UPP2: variants seen among roughly 807,000 people sequenced by gnomAD.
UPP2 encodes the protein uridine phosphorylase 2.
Under a neutral mutation model 26.7 loss-of-function variants are expected in UPP2, and 23 were observed. That is an observed-to-expected ratio of 0.86 (90% confidence interval 0.62 to 1.22). The LOEUF (loss-of-function observed/expected upper bound fraction) is 1.22, where lower values mean the gene tolerates loss of function less well. Ranked by LOEUF, UPP2 falls within the 50% of genes most tolerant of loss-of-function variation. The probability of loss-of-function intolerance (pLI) is 0.00; values close to 1 mark genes in which losing one functional copy is unlikely to be tolerated. For synonymous variants in UPP2, 127 were observed against 141.3 expected, an observed-to-expected ratio of 0.90 and a Z score of 0.72; for missense variants, 387 against 396.7, an observed-to-expected ratio of 0.98 and a Z score of 0.21.
upstream of UPP2, among the ~76,000 whole-genome samples, chr2:158,097,728 C>A (rs1429640353): frequency 6.6e-6 from 1 of 152,186 alleles, no homozygotes; most frequent in Non-Finnish European, 1.5e-5. Context: ...CACCCCTCTG[C>A]CTGGCCCTGC....
chr2:158,115,106 C>A lies in UPP2; in HGVS notation c.186C>A (p.Val62=). Residue 62 remains valine, a synonymous_variant, in exon 3 of 7, where the codon GTC becomes GTA. Coordinates refer to ENST00000005756, the MANE Select transcript of UPP2 (RefSeq NM_173355.4). Reference sequence around the variant, plus strand: ...TTGTTTATTTTTATTAACAGTTTGTCTGTGTCGGTGGGAGCCCCAACAGAA... The same window carrying A: ...TTGTTTATTTTTATTAACAGTTTGTATGTGTCGGTGGGAGCCCCAACAGAA... ...LPAMFGDVKF[V]CVGGSPNRMK... is the part of the protein sequence containing the mutation. 2.5e-6 allele frequency: 4 copies of A among 1,601,032 alleles called. No individual in the cohort carries two copies. Among genetic ancestry groups the A allele is most frequent in the Non-Finnish European group, 3.4e-6 (4 of 1,175,836 alleles).
intron 3 of UPP2, among the ~76,000 whole-genome samples, chr2:158,044,535 G>A (rs560648333): frequency 4.6e-5 from 7 of 152,192 alleles, no homozygotes; most frequent in Admixed American, 3.9e-4. Context: ...TGTGGCAGCC[G>A]GAATCTGAGA....
rs1682238075 is a variant in UPP2 at position 158,055,840 on chromosome 2, C to T, written c.147+39954C>T. Among the ~76,000 whole-genome samples the T allele has an allele frequency of 3.3e-5, 5 of 152,126 alleles. No homozygotes were observed. The South Asian group carries it at 1.0e-3, about 32-fold the overall frequency. ...AGCCAGCCATTTAAGCTTAAAAGGT[C>T]ACAGGGTGATTTGTCATTTCTATGT... On this transcript the variant is annotated intron_variant, in intron 3 of 9. Transcript: ENST00000605860.
At chr2:158,133,955 G>T (rs1169757934) in intron 6 of UPP2, 1 of 152,170 alleles carries the variant, frequency 6.6e-6, no homozygotes, top group Non-Finnish European at 1.5e-5. Context: ...GATTTGATAT[G>T]AAACTGACAA....
chr2:158,118,055 A>T, intron 4 of UPP2, 117 bp downstream of exon 4: 1 of 807,150 alleles, frequency 1.2e-6, no homozygotes, highest in Non-Finnish European at 2.0e-6. Flanking sequence ...AAAAAGTGTC[A>T]GAAGGCTGGA....
chr2:158,072,660 A>G (rs1042204148), intron 3 of UPP2, among the ~76,000 whole-genome samples: 5 of 150,228 alleles, frequency 3.3e-5, no homozygotes, highest in Non-Finnish European at 7.4e-5. Flanking sequence ...AGACAGACAG[A>G]CAGACAGACA....
intron 3 of UPP2, among the ~76,000 whole-genome samples, chr2:158,070,783 A>G (rs1682526181): frequency 6.6e-6 from 1 of 152,242 alleles, no homozygotes; most frequent in Non-Finnish European, 1.5e-5. Flanking sequence ...AGGGTAGGAC[A>G]CAGTCTTGAA....
chr2:158,124,959 T>C (rs1052241136), intron 6 of UPP2, among the ~76,000 whole-genome samples: 4 of 152,164 alleles, frequency 2.6e-5, no homozygotes, highest in Admixed American at 6.5e-5. Flanking sequence ...GTTGAAAGCA[T>C]ATAGATGGCA....
At chr2:158,090,530 CAAA>C (rs1682895471) in intron 3 of UPP2, among the ~76,000 whole-genome samples, 2 of 151,422 alleles carry the variant, frequency 1.3e-5, no homozygotes, top group African/African-American at 4.9e-5. Flanking sequence ...AAAAAACAAA[CAAA>C]CAAACAAACC....
chr2:158,051,628 A>T (rs1444767602), intron 3 of UPP2, among the ~76,000 whole-genome samples: 1 of 152,058 alleles, frequency 6.6e-6, no homozygotes, highest in Non-Finnish European at 1.5e-5. Flanking sequence ...TAAAAGTACA[A>T]AAATTAGCTG....
chr2:158,108,349 C>A (rs984270194), intron 2 of UPP2, among the ~76,000 whole-genome samples: 1 of 152,036 alleles, frequency 6.6e-6, no homozygotes, highest in Non-Finnish European at 1.5e-5. Context: ...CTGTAATAGG[C>A]ACAACACAGC....
chr2:158,061,824 C>T (rs931562504), intron 3 of UPP2, among the ~76,000 whole-genome samples: 2 of 152,258 alleles, frequency 1.3e-5, no homozygotes, highest in Admixed American at 6.5e-5. Context: ...GGACCCATAT[C>T]GCCTTTGCGT....
At chr2:158,078,508 A>G (rs1682667014) in intron 3 of UPP2, among the ~76,000 whole-genome samples, 1 of 152,162 alleles carries the variant, frequency 6.6e-6, no homozygotes, top group Admixed American at 6.6e-5. Flanking sequence ...CAATCATTAC[A>G]TTGAGTGAAA....
chr2:158,025,866 G>A (rs959657403), intron 3 of UPP2, among the ~76,000 whole-genome samples: 1 of 152,174 alleles, frequency 6.6e-6, no homozygotes, highest in African/African-American at 2.4e-5. Context: ...GGGTCTGGAG[G>A]GATAAACATC....
At chr2:158,002,427 C>A (rs1037544397) in intron 2 of UPP2, among the ~76,000 whole-genome samples, 1 of 152,210 alleles carries the variant, frequency 6.6e-6, no homozygotes, top group Admixed American at 6.5e-5. Context: ...CAACTCTCTG[C>A]TCTTTATTTT....
At chr2:158,070,602 TG>T (rs1234036993) in intron 3 of UPP2, among the ~76,000 whole-genome samples, 3 of 152,218 alleles carry the variant, frequency 2.0e-5, no homozygotes, top group Non-Finnish European at 4.4e-5. Context: ...CCACTGTTTA[TG>T]GGGGGCGGAG....
intron 3 of UPP2, among the ~76,000 whole-genome samples, chr2:158,022,094 C>T (rs1051812422): frequency 1.3e-5 from 2 of 150,786 alleles, no homozygotes; most frequent in Admixed American, 1.3e-4. Context: ...GGAAGTATTT[C>T]CTAGATGAGT....
At chr2:157,995,856 T>C (rs1160593442) in intron 2 of UPP2, among the ~76,000 whole-genome samples, 2 of 152,118 alleles carry the variant, frequency 1.3e-5, no homozygotes, top group Non-Finnish European at 1.5e-5. Flanking sequence ...AATGATTTCC[T>C]GTGTTTTTTT....
chr2:158,087,103 T>C (rs928099882), intron 3 of UPP2, among the ~76,000 whole-genome samples: 5 of 152,204 alleles, frequency 3.3e-5, no homozygotes, highest in African/African-American at 1.2e-4. Context: ...TCCCCCACTA[T>C]TAATATGTTG....
Sources: gnomAD v4.1 joint callset for allele counts (sites outside exome capture counted in the v4.1 genomes callset) on GRCh38, gnomAD v4.1.1 for gene constraint, MANE v1.5 for transcripts, NCBI Gene and HGNC (gene_info 2026-07-23, HGNC 2026-07-21) for gene names.